ALK: variants seen among roughly 807,000 people sequenced by gnomAD.
The protein encoded by ALK is ALK receptor tyrosine kinase.
A neutral mutation model predicts 163.1 loss-of-function variants in ALK; 74 were observed. That is an observed-to-expected ratio of 0.45 (90% confidence interval 0.38 to 0.55). ALK has a LOEUF of 0.55. Ranked by LOEUF, ALK falls within the 20% of genes least tolerant of loss-of-function variation. The probability of loss-of-function intolerance (pLI) is 0.00; values close to 1 mark genes in which losing one functional copy is unlikely to be tolerated. For missense variants in ALK, 2,063 were observed against 2,105.3 expected, an observed-to-expected ratio of 0.98 and a Z score of 0.39; for synonymous variants, 960 against 843.2, an observed-to-expected ratio of 1.14 and a Z score of -2.40.
intron 3 of ALK, among the ~76,000 whole-genome samples, chr2:29,654,807 C>A (rs114123262): frequency 4.8e-4 from 73 of 152,078 alleles, no homozygotes; most frequent in Non-Finnish European, 9.0e-4. Flanking sequence ...TTGATTACAG[C>A]CACATTCCCC....
At chr2:29,673,080 C>T (rs1401973482) in intron 3 of ALK, among the ~76,000 whole-genome samples, 3 of 138,562 alleles carry the variant, frequency 2.2e-5, no homozygotes, top group Non-Finnish European at 3.0e-5. Flanking sequence ...GATATTAGCC[C>T]TTTGTCAGAT....
At chr2:29,308,085 T>A (rs1446640135) in intron 8 of ALK, among the ~76,000 whole-genome samples, 2 of 152,084 alleles carry the variant, frequency 1.3e-5, no homozygotes, top group Non-Finnish European at 2.9e-5. Context: ...TCCAATTTTT[T>A]TTTTTACAAT....
chr2:29,603,019 G>A (rs1044383085), intron 3 of ALK, among the ~76,000 whole-genome samples: 2 of 152,214 alleles, frequency 1.3e-5, no homozygotes, highest in Non-Finnish European at 2.9e-5. Flanking sequence ...GGGCTTGCAG[G>A]TCAGAGGTAG....
At chr2:29,242,950 C>T (rs796344912) in intron 12 of ALK, among the ~76,000 whole-genome samples, 2 of 152,332 alleles carry the variant, frequency 1.3e-5, no homozygotes, top group African/African-American at 4.8e-5. Context: ...GAGCAGGCAG[C>T]TGCCTACCTG....
At chr2:29,731,380 G>A (rs1339498412) in intron 1 of ALK, among the ~76,000 whole-genome samples, 1 of 152,154 alleles carries the variant, frequency 6.6e-6, no homozygotes, top group East Asian at 1.9e-4. Context: ...CAATCATGGT[G>A]GCAGAAGCCT....
chr2:29,632,485 G>T (rs2148237999), intron 3 of ALK, among the ~76,000 whole-genome samples: 1 of 152,240 alleles, frequency 6.6e-6, no homozygotes, highest in African/African-American at 2.4e-5. Flanking sequence ...AAATAAATAA[G>T]GTTGTAAAAG....
At chr2:29,544,375 C>A (rs1558377063) in intron 3 of ALK, among the ~76,000 whole-genome samples, 2 of 152,190 alleles carry the variant, frequency 1.3e-5, no homozygotes, top group Non-Finnish European at 1.5e-5. Flanking sequence ...CTGAAGACTT[C>A]TCAGAGCCTT....
intron 3 of ALK, among the ~76,000 whole-genome samples, chr2:29,623,524 C>G (rs557789599): frequency 6.6e-6 from 1 of 151,818 alleles, no homozygotes; most frequent in Non-Finnish European, 1.5e-5. Flanking sequence ...ATTCTTACAA[C>G]AATCCTATGT....
At position 29,222,328 on chromosome 2, in the gene ALK, C is replaced by T. The variant is rs2148168446; in HGVS notation, c.3515+16G>A. 5.6e-6 allele frequency: 9 copies of T among 1,613,574 alleles called. No homozygotes were observed. Among genetic ancestry groups the T allele is most frequent in the Non-Finnish European group, 7.6e-6 (9 of 1,179,688 alleles). On this transcript the variant is annotated intron_variant, in intron 22 of 28. Coordinates refer to ENST00000389048, the MANE Select transcript of ALK (RefSeq NM_004304.5). ...CAGAGGGGAGTTGGGGTGAGGGTGT[C>T]TCTCTGTGGCTTTACCTGATGATCA...
chr2:29,647,052 T>C (rs1205650242), intron 3 of ALK, among the ~76,000 whole-genome samples: 1 of 152,166 alleles, frequency 6.6e-6, no homozygotes, highest in Non-Finnish European at 1.5e-5. Flanking sequence ...AATGAATGGA[T>C]GAATCCAAGT....
intron 3 of ALK, among the ~76,000 whole-genome samples, chr2:29,573,494 TA>T (rs1273488690): frequency 6.6e-6 from 1 of 152,178 alleles, no homozygotes; most frequent in African/African-American, 2.4e-5. Context: ...TCTTAAAATG[TA>T]AAAAAAATTT....
At chr2:29,651,252 G>A (rs1395843126) in intron 3 of ALK, among the ~76,000 whole-genome samples, 2 of 152,126 alleles carry the variant, frequency 1.3e-5, no homozygotes, top group South Asian at 2.1e-4. Context: ...GGTTGGGAAC[G>A]TGTAAAACAA....
intron 5 of ALK, among the ~76,000 whole-genome samples, chr2:29,342,821 GCCC>G (rs1558684004): frequency 6.6e-6 from 1 of 151,174 alleles, no homozygotes; most frequent in Non-Finnish European, 1.5e-5. Flanking sequence ...GAACTACAGT[GCCC>G]TGGCAGTGAC....
chr2:29,676,580 A>C (rs1234920842), intron 3 of ALK, among the ~76,000 whole-genome samples: 1 of 151,988 alleles, frequency 6.6e-6, no homozygotes, highest in Non-Finnish European at 1.5e-5. Flanking sequence ...GTAAGTTTTG[A>C]AATCAGGTAG....
At position 29,725,154 on chromosome 2, in the gene ALK, C is replaced by CA. The variant is rs757959526; in HGVS notation, c.668-7458dup. Among the ~76,000 whole-genome samples, 122 of 67,372 alleles carry CA rather than the reference C, an allele frequency of 1.8e-3. 1 individual carries two copies. Among genetic ancestry groups the CA allele is most frequent in the South Asian group, 3.4e-3 (5 of 1,470 alleles). 44.2% of individuals were successfully genotyped at this position (67,372 alleles called of 152,430 possible). A position where few individuals can be genotyped will look rare whatever the true frequency, so the allele number is the denominator to read the frequency against. On this transcript the variant is annotated intron_variant, in intron 1 of 28. Coordinates refer to ENST00000389048, the MANE Select transcript of ALK (RefSeq NM_004304.5). ...TGGTTACCTTCAGGCTATCCTATACCAAAAAAAAAAAAAAAAAAAGGAATC... is the reference window on the plus strand; with the variant it reads ...TGGTTACCTTCAGGCTATCCTATACCAAAAAAAAAAAAAAAAAAAAGGAATC...
chr2:29,319,206 CAGG>C (rs1425427825), intron 7 of ALK: 1 of 152,316 alleles, frequency 6.6e-6, no homozygotes, highest in Non-Finnish European at 1.5e-5. Context: ...TGCAAACTTT[CAGG>C]GTCTGCAGAG....
chr2:29,750,929 G>A (rs1680348216), intron 1 of ALK, among the ~76,000 whole-genome samples: 1 of 152,108 alleles, frequency 6.6e-6, no homozygotes, highest in African/African-American at 2.4e-5. Flanking sequence ...AATTAGCAGG[G>A]CATGGTGGCC....
intron 12 of ALK, among the ~76,000 whole-genome samples, chr2:29,247,797 C>T (rs990765037): frequency 1.3e-5 from 2 of 152,146 alleles, no homozygotes; most frequent in Non-Finnish European, 2.9e-5. Context: ...TGCCAGGCCT[C>T]GGTGGCAGCC....
chr2:29,826,360 T>C (rs1188065759), intron 1 of ALK, among the ~76,000 whole-genome samples: 1 of 151,908 alleles, frequency 6.6e-6, no homozygotes, highest in East Asian at 1.9e-4. Context: ...TGATCTATCA[T>C]GGGCTTTGAT....
Sources: gnomAD v4.1 joint callset for allele counts (sites outside exome capture counted in the v4.1 genomes callset) on GRCh38, gnomAD v4.1.1 for gene constraint, MANE v1.5 for transcripts, NCBI Gene and HGNC (gene_info 2026-07-23, HGNC 2026-07-21) for gene names.